Variants in ARHGEF7 observed in about 807,000 individuals in gnomAD.
The protein encoded by ARHGEF7 is Rho guanine nucleotide exchange factor 7.
ARHGEF7 carries 33 observed loss-of-function variants against 109.8 expected under a neutral mutation model. The observed-to-expected ratio is 0.30, with a 90% CI of 0.23 to 0.40. The LOEUF is 0.40. Among genes scored for constraint, ARHGEF7 ranks in the 10% least tolerant of loss-of-function variants. ARHGEF7 has a pLI of 1.00. For missense variants in ARHGEF7, 938 were observed against 1,098.5 expected, an observed-to-expected ratio of 0.85 and a Z score of 2.07; for synonymous variants, 458 against 424.6, an observed-to-expected ratio of 1.08 and a Z score of -0.97.
At chr13:111,126,189 C>A (rs898995744) in intron 1 of ARHGEF7, among the ~76,000 whole-genome samples, 8 of 152,182 alleles carry the variant, frequency 5.3e-5, no homozygotes. Flanking sequence ...ATTTTTGTTT[C>A]TTTTGAAAAT....
At chr13:111,287,547 A>G (rs2093073537) in intron 17 of ARHGEF7, among the ~76,000 whole-genome samples, 1 of 152,258 alleles carries the variant, frequency 6.6e-6, no homozygotes. Context: ...AAACAAAACA[A>G]GTGAACAATG....
chr13:111,206,145 G>A (rs1048078424), intron 3 of ARHGEF7, among the ~76,000 whole-genome samples: 3 of 151,786 alleles, frequency 2.0e-5, no homozygotes, highest in African/African-American at 7.3e-5. Context: ...TATCAGGTTT[G>A]TGGGGGAAAG....
intron 13 of ARHGEF7, 117 bp downstream of exon 13, chr13:111,277,790 G>A (rs2092570563): frequency 2.9e-6 from 2 of 682,710 alleles, no homozygotes; most frequent in Admixed American, 4.9e-5. Flanking sequence ...TGTGTGTAGT[G>A]CTGTATATTC....
intron 8 of ARHGEF7, chr13:111,265,777 C>T (rs1207709795): frequency 2.2e-6 from 1 of 453,824 alleles, no homozygotes; most frequent in Non-Finnish European, 4.4e-6. Context: ...AGCCTTGTAA[C>T]AGCTGTGAGG....
chr13:111,217,602 A>T, intron 4 of ARHGEF7, 77 bp from the exon 5 acceptor site: 1 of 1,330,916 alleles, frequency 7.5e-7, no homozygotes, highest in Non-Finnish European at 1.1e-6. Flanking sequence ...CCTTTGTACT[A>T]GTAAAGTATA....
chr13:111,180,867 TATAC>T (rs763044732), intron 2 of ARHGEF7, among the ~76,000 whole-genome samples: 8 of 152,232 alleles, frequency 5.3e-5, no homozygotes, highest in Non-Finnish European at 1.0e-4. Context: ...ATATAGATAA[TATAC>T]ATAATCTGCA....
chr13:111,163,795 A>G (rs2076924690), intron 2 of ARHGEF7, among the ~76,000 whole-genome samples: 1 of 152,194 alleles, frequency 6.6e-6, no homozygotes, highest in African/African-American at 2.4e-5. Context: ...TCAGCCTCCC[A>G]GAGTGCTGGG....
chr13:111,176,216 G>A (rs1453212590), intron 2 of ARHGEF7, among the ~76,000 whole-genome samples: 1 of 152,190 alleles, frequency 6.6e-6, no homozygotes, highest in Non-Finnish European at 1.5e-5. Flanking sequence ...TTAGTCTAAT[G>A]ATGGCCAGAA....
intron 6 of ARHGEF7, among the ~76,000 whole-genome samples, chr13:111,243,307 G>A (rs141414664): frequency 2.2e-4 from 33 of 152,288 alleles, no homozygotes; most frequent in African/African-American, 7.5e-4. Context: ...CTTTTACAAT[G>A]TATATATCTG....
chr13:111,154,014 C>A, intron 2 of ARHGEF7, 23 bp downstream of exon 2: 2 of 1,588,898 alleles, frequency 1.3e-6, no homozygotes, highest in East Asian at 2.3e-5. Context: ...GGCCACGGGC[C>A]GAGGGAGGGG....
rs1250522078 is a variant in ARHGEF7 at position 111,266,081 on chromosome 13, G to C, written c.951-1467G>C. ...CTTTCATTTTTTTTTGCATTCCTCT[G>C]TCATTTTGGTCACGTACCTGCTCTG... On this transcript the variant is annotated intron_variant, in intron 8 of 21. Transcript: ENST00000646102. The surrounding 1 kb of genome is among the most constrained non-coding windows in gnomAD (Gnocchi z 4.8). Among the ~76,000 whole-genome samples the C allele has an allele frequency of 6.6e-6, 1 of 151,960 alleles. No homozygotes were observed. Among genetic ancestry groups the C allele is most frequent in the African/African-American group, 2.4e-5 (1 of 41,372 alleles).
intron 8 of ARHGEF7, among the ~76,000 whole-genome samples, chr13:111,254,635 G>C (rs1204326510): frequency 1.6e-4 from 21 of 133,400 alleles, no homozygotes; most frequent in African/African-American, 4.9e-4. Context: ...TGAAGGCCGG[G>C]CCCAGAAGAG....
chr13:111,186,593 C>G (rs2079279556), intron 2 of ARHGEF7, among the ~76,000 whole-genome samples: 1 of 152,194 alleles, frequency 6.6e-6, no homozygotes, highest in Non-Finnish European at 1.5e-5. Flanking sequence ...AATAGCACCA[C>G]TTATTTAAGA....
intron 2 of ARHGEF7, among the ~76,000 whole-genome samples, chr13:111,163,755 T>C (rs2153399168): frequency 6.6e-6 from 1 of 152,172 alleles, no homozygotes; most frequent in Admixed American, 6.5e-5. Flanking sequence ...GGCTGATCTC[T>C]AACTCCTGGG....
chr13:111,217,810 G>A lies in ARHGEF7; in HGVS notation c.600G>A (p.Trp200Ter). Residue 200 changes from tryptophan (W) to a stop codon, truncating the protein, a stop_gained, in exon 5 of 22, where the codon TGG becomes TGA. Coordinates refer to ENST00000646102, the MANE Select transcript of ARHGEF7 (RefSeq NM_001354046.2). LOFTEE classifies it high-confidence loss of function. ...IHVTRVEEGG[W>*]WEGTLNGRTG... Reference sequence around the variant, plus strand: ...TCACCCGTGTGGAAGAGGGAGGCTGGTGGGAGGGCACACTCAACGGCCGGA... The same window carrying A: ...TCACCCGTGTGGAAGAGGGAGGCTGATGGGAGGGCACACTCAACGGCCGGA... 6.2e-7 allele frequency: 1 copy of A among 1,614,252 alleles called. No individual in the cohort carries two copies. Among genetic ancestry groups the A allele is most frequent in the Non-Finnish European group, 8.5e-7 (1 of 1,180,030 alleles).
At chr13:111,210,209 A>G (rs577100714) in intron 4 of ARHGEF7, among the ~76,000 whole-genome samples, 1 of 152,274 alleles carries the variant, frequency 6.6e-6, no homozygotes, top group South Asian at 2.1e-4. Context: ...TGCTTTTGAG[A>G]AACTCATTTG....
At chr13:111,147,245 T>C (rs2075643614) in intron 1 of ARHGEF7, among the ~76,000 whole-genome samples, 1 of 152,220 alleles carries the variant, frequency 6.6e-6, no homozygotes, top group South Asian at 2.1e-4. Context: ...TTAGGGTAGA[T>C]GTATATTTAA....
rs183994348 is a variant in ARHGEF7 at position 111,267,521 on chromosome 13, A to G, written c.951-27A>G. On this transcript the variant is annotated intron_variant, in intron 8 of 21. Transcript: ENST00000646102. ...TGTCCTGTCTGTAAAACTGATGACT[A>G]TTTCCCTTTGTGTCGCATTTCTCCA... The G allele has an allele frequency of 3.9e-3, 6,296 of 1,612,786 alleles. 18 individuals carry two copies. The highest frequency in any genetic ancestry group is 4.9e-3 in the Non-Finnish European group (5,806 of 1,179,360).
intron 1 of ARHGEF7, among the ~76,000 whole-genome samples, chr13:111,118,895 T>C (rs896297000): frequency 4.6e-5 from 7 of 152,180 alleles, no homozygotes; most frequent in Admixed American, 4.6e-4. Flanking sequence ...GTGTAATCCA[T>C]GTGATGTGCT....
Sources: gnomAD v4.1 joint callset for allele counts (sites outside exome capture counted in the v4.1 genomes callset) on GRCh38, gnomAD v4.1.1 for gene constraint, Gnocchi (gnomAD v3.1) non-coding constraint, MANE v1.5 for transcripts, NCBI Gene and HGNC (gene_info 2026-07-23, HGNC 2026-07-21) for gene names.